ANKRD26: variants seen among roughly 807,000 people sequenced by gnomAD.
ANKRD26 encodes ankyrin repeat domain-containing protein 26.
A neutral mutation model predicts 208.7 loss-of-function variants in ANKRD26; 141 were observed. The observed-to-expected ratio is 0.68, with a 90% CI of 0.59 to 0.78. The LOEUF (loss-of-function observed/expected upper bound fraction) is 0.78, where lower values mean the gene tolerates loss of function less well. Among genes scored for constraint, ANKRD26 ranks in the 30% least tolerant of loss-of-function variants. ANKRD26 has a pLI of 0.00. For missense variants in ANKRD26, 1,889 were observed against 1,938.7 expected (o/e 0.97, Z 0.48); for synonymous variants, 636 against 660.4 (o/e 0.96, Z 0.57).
At chr10:26,951,040 A>G in the ANKRD26 span, among the ~76,000 whole-genome samples, 1 of 40,178 alleles carries the variant, frequency 2.5e-5, no homozygotes, top group Non-Finnish European at 4.3e-5. Flanking sequence ...TTTTTTTTGC[A>G]GTTTCATGTT....
chr10:27,097,196 C>A (rs1477774143), intron 1 of ANKRD26, among the ~76,000 whole-genome samples: 1 of 149,662 alleles, frequency 6.7e-6, no homozygotes, highest in Non-Finnish European at 1.5e-5. Flanking sequence ...ACAAAAAAGG[C>A]CAGGCGCGGT....
At chr10:27,075,862 T>TGGC (rs1407843601) in intron 9 of ANKRD26, among the ~76,000 whole-genome samples, 1 of 152,150 alleles carries the variant, frequency 6.6e-6, no homozygotes, top group Non-Finnish European at 1.5e-5. Flanking sequence ...ACAAAACAAG[T>TGGC]CTTAATAAAT....
chr10:27,037,244 G>A lies in ANKRD26; in HGVS notation c.2639C>T (p.Thr880Ile), dbSNP rs2054074355. 1.2e-6 allele frequency: 2 copies of A among 1,613,598 alleles called. No individual in the cohort carries two copies. Among genetic ancestry groups the A allele is most frequent in the Admixed American group, 1.7e-5 (1 of 60,002 alleles). Residue 880 changes from threonine to isoleucine, a missense_variant, in exon 23 of 34, where the codon ACC becomes ATC. Thr to Ile is a moderately conservative substitution (Grantham distance 89, BLOSUM62 -1). This residue lies in a region of ANKRD26 where 1,272 missense variants were observed against 1,273.8 expected (regional missense o/e 1.00). Coordinates refer to ENST00000376087, the MANE Select transcript of ANKRD26 (RefSeq NM_014915.3). ...NARMLQDGIL[T>I]NHLSKQKEIE... ...CTCCTTTTGTTTGGAAAGGTGATTG[G>A]TCAGAATTCCATCTTGTAACATTCT...
At chr10:27,090,744 T>C (rs950271354) in intron 4 of ANKRD26, among the ~76,000 whole-genome samples, 1 of 152,186 alleles carries the variant, frequency 6.6e-6, no homozygotes, top group Non-Finnish European at 1.5e-5. Flanking sequence ...TCTGATATAT[T>C]ACAATTGCAG....
rs1444759360 is a variant in ANKRD26, at chr10:27,024,536, T to C, written c.3996A>G (p.Leu1332=). 6.3e-7 allele frequency: 1 copy of C among 1,575,326 alleles called. No individual in the cohort carries two copies. Among genetic ancestry groups the C allele is most frequent in the African/African-American group, 1.3e-5 (1 of 74,090 alleles). ...ANLSEDEKEQ[L]KKLMELKQSL... ...ACTGTTTTAATTCCATAAGTTTCTT[T>C]AATTGTTCCTTTTCATCTTCAGACT... The change falls in exon 28 of 34, where the codon TTA becomes TTG. Residue 1332 remains leucine, a synonymous_variant. Transcript: ENST00000376087.
intron 4 of ANKRD26, among the ~76,000 whole-genome samples, chr10:26,980,906 C>T (rs747585283): frequency 6.6e-6 from 1 of 152,118 alleles, no homozygotes; most frequent in Non-Finnish European, 1.5e-5. Context: ...AGAGATAAAG[C>T]ACTAGAGAGT....
At chr10:26,949,046 C>T in the ANKRD26 span, among the ~76,000 whole-genome samples, 2 of 152,018 alleles carry the variant, frequency 1.3e-5, no homozygotes, top group South Asian at 2.1e-4. Context: ...AAATTCAGCA[C>T]TTTGGGGCAT....
In ANKRD26 at chr10:27,028,894, G is replaced by C; in HGVS notation, c.3930C>G (p.Asp1310Glu). 6.2e-7 allele frequency: 1 copy of C among 1,613,184 alleles called. No homozygotes were observed. The highest frequency in any genetic ancestry group is 1.7e-5 in the Admixed American group (1 of 59,986). ...GGTTTTTCTGAAGCTCCTCAATTTT[G>C]TCCATTTGCTTTTTGACTGTAACTT... is the stretch of plus-strand genomic sequence containing the variant. ...KLKVTVKKQMDKIEELQKNLL... is the reference protein window; with the variant it reads ...KLKVTVKKQMEKIEELQKNLL... The change falls in exon 27 of 34, where the codon GAC (aspartate) becomes GAG (glutamate). Residue 1310 changes from aspartate (D) to glutamate (E), a missense_variant. Physicochemically the swap from Asp to Glu is conservative, Grantham distance 45. Coordinates refer to ENST00000376087, the MANE Select transcript of ANKRD26 (RefSeq NM_014915.3).
intron 5 of ANKRD26, among the ~76,000 whole-genome samples, chr10:26,979,706 C>T (rs994324255): frequency 1.3e-5 from 2 of 152,022 alleles, no homozygotes; most frequent in African/African-American, 2.4e-5. Flanking sequence ...GAGGTGAAAC[C>T]CTTTAACTTC....
At chr10:27,064,819 G>T (rs112855153) in intron 11 of ANKRD26, among the ~76,000 whole-genome samples, 1,763 of 148,708 alleles carry the variant, frequency 0.012, 38 homozygotes, top group African/African-American at 0.044. Flanking sequence ...TCCCAATTAA[G>T]AAATAATTTC....
chr10:27,082,920 A>C lies in ANKRD26; in HGVS notation c.710-87T>G, dbSNP rs1485454051. On this transcript the variant is annotated intron_variant, in intron 5 of 33. Transcript: ENST00000376087. ...AGCATAAGACTGATAGTTTGTTACAAAGTATCCCTCTGGGACCATATCTGG... is the reference window on the plus strand; with the variant it reads ...AGCATAAGACTGATAGTTTGTTACACAGTATCCCTCTGGGACCATATCTGG... The C allele has an allele frequency of 2.0e-6, 3 of 1,489,874 alleles. No individual in the cohort carries two copies. In the African/African-American group the frequency reaches 4.2e-5, roughly 21 times the overall value. 92.3% of individuals were successfully genotyped at this position (1,489,874 alleles called of 1,614,324 possible).
intron 15 of ANKRD26, among the ~76,000 whole-genome samples, chr10:27,053,792 C>T (rs2054746542): frequency 6.6e-6 from 1 of 152,046 alleles, no homozygotes; most frequent in African/African-American, 2.4e-5. Flanking sequence ...CATAAATAAG[C>T]TAAACTGTCA....
intron 33 of ANKRD26, among the ~76,000 whole-genome samples, chr10:27,006,549 A>G (rs2052888953): frequency 6.6e-6 from 1 of 152,216 alleles, no homozygotes; most frequent in Non-Finnish European, 1.5e-5. Context: ...TTTGGGCCTT[A>G]AATCACCACC....
At chr10:26,979,714 T>A (rs2052279342) in intron 5 of ANKRD26, among the ~76,000 whole-genome samples, 1 of 152,170 alleles carries the variant, frequency 6.6e-6, no homozygotes, top group African/African-American at 2.4e-5. Context: ...ACCCTTTAAC[T>A]TCCTCAGAGC....
At position 27,100,078 on chromosome 10, in the gene ANKRD26, C is replaced by G. The variant is rs2056597753; in HGVS notation, c.242+7G>C. ...GGCACTCAGTCCGGGCTTGCGACGC[C>G]TATTACCTGTTCATCTTGTCTCTAT... is the stretch of plus-strand genomic sequence containing the variant. On this transcript the variant is annotated splice_region_variant and intron_variant, in intron 1 of 33. Transcript: ENST00000376087. 1.2e-6 allele frequency: 2 copies of G among 1,613,866 alleles called. No individual in the cohort carries two copies. The highest frequency in any genetic ancestry group is 1.7e-6 in the Non-Finnish European group (2 of 1,179,960).
chr10:27,050,927 A>G (rs2054632865), intron 16 of ANKRD26: 1 of 575,712 alleles, frequency 1.7e-6, no homozygotes, highest in South Asian at 2.3e-5. Context: ...GCAGAATAAT[A>G]TCTATTTCTA....
chr10:26,963,912 T>TG, the ANKRD26 span, among the ~76,000 whole-genome samples: 1 of 136,254 alleles, frequency 7.3e-6, no homozygotes, highest in African/African-American at 2.8e-5. Flanking sequence ...GGTTTTTTTT[T>TG]TTTTTTTTTT....
rs1254915501 is a variant in ANKRD26 at position 27,043,496 on chromosome 10, A to G, written c.2091T>C (p.Asp697=). Residue 697 remains aspartate, a synonymous_variant, in exon 20 of 34, where the codon GAT becomes GAC. Transcript: ENST00000376087. The part of the protein sequence containing the change: ...LTQSSETASE[D]CELPHSSYKN... ...TGTAACTAGAGTGGGGTAGCTCACA[A>G]TCCTCTGAGGCTGTTTCAGATGACT... 6.2e-7 allele frequency: 1 copy of G among 1,613,892 alleles called. No homozygotes were observed. Among genetic ancestry groups the G allele is most frequent in the Non-Finnish European group, 8.5e-7 (1 of 1,179,920 alleles).
At chr10:26,958,998 G>T in the ANKRD26 span, among the ~76,000 whole-genome samples, 1 of 152,068 alleles carries the variant, frequency 6.6e-6, no homozygotes, top group South Asian at 2.1e-4. Context: ...ATTCTGATTG[G>T]CATGAGATGG....
Sources: allele counts gnomAD v4.1 joint callset (sites outside exome capture counted in the v4.1 genomes callset), GRCh38; gene constraint gnomAD v4.1.1; regional missense constraint gnomAD v4.1.1; transcripts MANE v1.5; gene names NCBI Gene and HGNC (gene_info 2026-07-23, HGNC 2026-07-21).